MCPH1: variants seen among roughly 807,000 people sequenced by gnomAD.
MCPH1 encodes microcephalin.
A neutral mutation model predicts 84.5 loss-of-function variants in MCPH1; 104 were observed. That is an observed-to-expected ratio of 1.23 (90% CI 1.05 to 1.45). The LOEUF (loss-of-function observed/expected upper bound fraction) is 1.45. MCPH1 is among the 40% of genes most tolerant of loss of function. The pLI is 0.00. For synonymous variants in MCPH1, 514 were observed against 366.8 expected, an observed-to-expected ratio of 1.40 and a Z score of -4.58; for missense variants, 1,498 against 1,005.7, an observed-to-expected ratio of 1.49 and a Z score of -6.62.
In MCPH1 at chr8:6,509,172, G is replaced by A. The variant is rs759123482; in HGVS notation, c.2214+9243G>A. 395 of 1,367,782 alleles carry A rather than the reference G, an allele frequency of 2.9e-4. 3 individuals are homozygous for A. The highest frequency in any genetic ancestry group is 2.4e-3 in the South Asian group (177 of 72,426). 84.7% of individuals were successfully genotyped at this position (1,367,782 alleles called of 1,614,324 possible). ...TTCTACAGAAGCGTGTTCTGTACTC[G>A]TTAATGGACTAATGCATACTCTGGA... On this transcript the variant is annotated intron_variant, in intron 12 of 13. Transcript: ENST00000344683.
chr8:6,502,828 G>C, intron 12 of MCPH1: 1 of 441,860 alleles, frequency 2.3e-6, no homozygotes, highest in South Asian at 3.4e-5. Flanking sequence ...TCTGTAAACT[G>C]TCAGTCTGAT....
chr8:6,409,383 T>C lies in MCPH1; in HGVS notation c.114+13T>C, dbSNP rs776771942. On this transcript the variant is annotated intron_variant, in intron 2 of 13. Coordinates refer to ENST00000344683, the MANE Select transcript of MCPH1 (RefSeq NM_024596.5). ...TATGGGGGCAAAGGTAAGACACTTA[T>C]TTTGCTGTTGATTCATATGACAGTC... 3.8e-6 allele frequency: 6 copies of C among 1,580,966 alleles called. No individual in the cohort carries two copies. The highest frequency in any genetic ancestry group is 3.3e-5 in the South Asian group (3 of 90,434).
Position 6,528,499 on chromosome 8 carries a change from TC to T in MCPH1, c.2214+28571del, listed in dbSNP as rs371338591. On this transcript the variant is annotated intron_variant, in intron 12 of 13. Coordinates refer to ENST00000344683, the MANE Select transcript of MCPH1 (RefSeq NM_024596.5). ...GTCACCACTTGTTTAGACTTTTATT[TC>T]TTCTTGCCATTTCTCCTTCCTGTTT... Among the ~76,000 whole-genome samples, 311 of 152,346 alleles carry T rather than the reference TC, an allele frequency of 2.0e-3. 2 individuals carry two copies. The highest frequency in any genetic ancestry group is 6.8e-3 in the Middle Eastern group (2 of 294).
chr8:6,414,959 G>A (rs1000679092), intron 3 of MCPH1, 76 bp downstream of exon 3: 105 of 1,471,248 alleles, frequency 7.1e-5, no homozygotes, highest in Non-Finnish European at 7.4e-5. Context: ...TTCACAGATC[G>A]CAGAACCAGA....
intron 12 of MCPH1, among the ~76,000 whole-genome samples, chr8:6,566,535 C>T (rs887891173): frequency 2.0e-5 from 3 of 152,098 alleles, no homozygotes; most frequent in South Asian, 2.1e-4. Flanking sequence ...CACCTGTGGT[C>T]GGCATGGCCA....
chr8:6,636,345 A>T (rs535113545), intron 13 of MCPH1, among the ~76,000 whole-genome samples: 1 of 152,040 alleles, frequency 6.6e-6, no homozygotes, highest in Admixed American at 6.6e-5. Context: ...CAAAAAAAAA[A>T]AAAAAAAAGT....
intron 12 of MCPH1, among the ~76,000 whole-genome samples, chr8:6,611,539 C>T (rs994531191): frequency 6.6e-6 from 1 of 152,238 alleles, no homozygotes; most frequent in Non-Finnish European, 1.5e-5. Context: ...ACGGAGCTGC[C>T]ATGCCCTCTC....
At chr8:6,457,400 C>T (rs12542108) in intron 9 of MCPH1, among the ~76,000 whole-genome samples, 10 of 152,024 alleles carry the variant, frequency 6.6e-5, no homozygotes, top group Admixed American at 2.0e-4. Context: ...GCCTGGCCAA[C>T]ATGGCAAAAC....
chr8:6,461,506 T>TTC (rs1405616893), intron 9 of MCPH1, among the ~76,000 whole-genome samples: 2 of 151,468 alleles, frequency 1.3e-5, no homozygotes, highest in African/African-American at 4.9e-5. Context: ...TTTCTATTTT[T>TTC]TTTTTTTTTA....
At chr8:6,437,386 A>G (rs1280360553) in intron 5 of MCPH1, among the ~76,000 whole-genome samples, 1 of 151,784 alleles carries the variant, frequency 6.6e-6, no homozygotes, top group Non-Finnish European at 1.5e-5. Flanking sequence ...GCGTACCACC[A>G]CGCCCAGCTG....
At chr8:6,530,854 G>C (rs185721435) in intron 12 of MCPH1, among the ~76,000 whole-genome samples, 1 of 152,174 alleles carries the variant, frequency 6.6e-6, no homozygotes, top group African/African-American at 2.4e-5. Context: ...TGTCCTTCTA[G>C]AATGAGTCTT....
chr8:6,556,267 T>A (rs1824590159), intron 12 of MCPH1, among the ~76,000 whole-genome samples: 1 of 152,232 alleles, frequency 6.6e-6, no homozygotes, highest in African/African-American at 2.4e-5. Flanking sequence ...ATTAAGAATG[T>A]TTATTTCAGA....
In MCPH1 at chr8:6,600,935, C is replaced by T. The variant is rs146498884; in HGVS notation, c.2215-20519C>T. Among the ~76,000 whole-genome samples, 723 of 152,258 alleles carry T rather than the reference C, an allele frequency of 4.7e-3. 11 individuals are homozygous for T. Among genetic ancestry groups the T allele is most frequent in the African/African-American group, 0.017 (698 of 41,554 alleles). On this transcript the variant is annotated intron_variant, in intron 12 of 13. Transcript: ENST00000344683. ...TGGTACTTAACACACTTCCATGCAC[C>T]GTTCAGAATCGCTAAACACAGCAGT...
intron 1 of MCPH1, among the ~76,000 whole-genome samples, chr8:6,407,430 C>G (rs1272902037): frequency 6.6e-6 from 1 of 152,046 alleles, no homozygotes; most frequent in Non-Finnish European, 1.5e-5. Flanking sequence ...GCTGACAGGG[C>G]CTTAGACCGG....
intron 12 of MCPH1, among the ~76,000 whole-genome samples, chr8:6,538,107 C>T (rs910763672): frequency 2.6e-5 from 4 of 152,006 alleles, no homozygotes; most frequent in South Asian, 2.1e-4. Context: ...CACACATACA[C>T]GTTTTTCTAT....
At chr8:6,626,544 G>C in intron 13 of MCPH1, 1 of 981,478 alleles carries the variant, frequency 1.0e-6, no homozygotes, top group Non-Finnish European at 1.2e-6. Context: ...AAAATAAACG[G>C]GAAAACAAAA....
chr8:6,517,230 C>A (rs906934939), intron 12 of MCPH1, among the ~76,000 whole-genome samples: 1 of 152,166 alleles, frequency 6.6e-6, no homozygotes, highest in South Asian at 2.1e-4. Flanking sequence ...CAGTTAATAT[C>A]TTTAATCTGT....
intron 13 of MCPH1, chr8:6,634,958 C>T (rs1797435545): frequency 6.6e-6 from 1 of 152,224 alleles, no homozygotes; most frequent in African/African-American, 2.4e-5. Flanking sequence ...TGAAGGATGC[C>T]ATACATGCTG....
intron 8 of MCPH1, chr8:6,446,565 G>A (rs940849458): frequency 3.1e-6 from 3 of 982,444 alleles, no homozygotes; most frequent in Non-Finnish European, 3.6e-6. Context: ...ACAAGAAACT[G>A]TATTTTATGT....
Sources: gnomAD v4.1 joint callset for allele counts (sites outside exome capture counted in the v4.1 genomes callset) on GRCh38, gnomAD v4.1.1 for gene constraint, MANE v1.5 for transcripts, NCBI Gene and HGNC (gene_info 2026-07-23, HGNC 2026-07-21) for gene names.